DMD: variants seen among roughly 807,000 people sequenced by gnomAD.
DMD encodes the protein mutant dystrophin.
In DMD, 63 loss-of-function variants were observed where a neutral mutation model predicts 330.1. The ratio of observed to expected loss-of-function variants is 0.19; its 90% CI spans 0.16 to 0.24. DMD has a LOEUF of 0.24. DMD is among the 10% of genes least tolerant of loss of function. DMD has a pLI of 1.00. For synonymous variants in DMD, 1,223 were observed against 959.8 expected, an observed-to-expected ratio of 1.27 and a Z score of -5.07; for missense variants, 3,344 against 2,684.1, an observed-to-expected ratio of 1.25 and a Z score of -5.43.
chrX:31,749,601 C>T (rs187738604), intron 51 of DMD, among the ~76,000 whole-genome samples: 5,402 of 108,930 alleles, frequency 0.05, 121 homozygotes, highest in South Asian at 0.085. Flanking sequence ...CCTCAATAAA[C>T]ATACATGTGC....
intron 51 of DMD, among the ~76,000 whole-genome samples, chrX:31,749,423 T>C (rs932893444): frequency 9.7e-6 from 1 of 103,388 alleles, no homozygotes; most frequent in African/African-American, 3.5e-5. Flanking sequence ...AATAGTTTAC[T>C]GAGAATGATG....
At chrX:32,569,486 G>T (rs1231621739) in intron 15 of DMD, among the ~76,000 whole-genome samples, 1 of 111,890 alleles carries the variant, frequency 8.9e-6, no homozygotes, top group African/African-American at 3.3e-5. Flanking sequence ...GAATGCAGAT[G>T]ACTAGGCTCC....
intron 52 of DMD, among the ~76,000 whole-genome samples, chrX:31,682,225 A>G (rs190414043): frequency 2.7e-5 from 3 of 112,453 alleles, no homozygotes; most frequent in East Asian, 5.6e-4. Flanking sequence ...GGCACACATT[A>G]TAGACTACTG....
At chrX:32,156,071 C>T (rs2096829098) in intron 44 of DMD, among the ~76,000 whole-genome samples, 1 of 110,364 alleles carries the variant, frequency 9.1e-6, no homozygotes, top group Non-Finnish European at 1.9e-5. Context: ...ATAAAGTGTG[C>T]TATTCATTCA....
chrX:32,563,063 G>T lies in DMD; in HGVS notation c.1992+2639C>A, dbSNP rs138707121. Among the ~76,000 whole-genome samples, 630 of 111,078 alleles carry T rather than the reference G, an allele frequency of 5.7e-3. 8 individuals carry two copies. The highest frequency in any genetic ancestry group is 0.02 in the African/African-American group (608 of 30,589). On this transcript the variant is annotated intron_variant, in intron 16 of 78. Coordinates refer to ENST00000357033, the MANE Select transcript of DMD (RefSeq NM_004006.3). Reference sequence around the variant, plus strand: ...TAAAATTAAAAGGAGATAGTGGGCCGGGCGCGGTGACTTATGTCTGTAATC... The same window carrying T: ...TAAAATTAAAAGGAGATAGTGGGCCTGGCGCGGTGACTTATGTCTGTAATC...
intron 55 of DMD, among the ~76,000 whole-genome samples, chrX:31,615,026 A>C (rs1208857880): frequency 8.9e-6 from 1 of 111,772 alleles, no homozygotes; most frequent in African/African-American, 3.2e-5. Flanking sequence ...AGAATTTTCC[A>C]GTAGGATGGG....
chrX:32,431,324 G>A (rs66499919), intron 29 of DMD, among the ~76,000 whole-genome samples: 2 of 111,246 alleles, frequency 1.8e-5, no homozygotes, highest in Non-Finnish European at 3.8e-5. Context: ...TGATTAATGA[G>A]TTTGAGCACC....
chrX:31,132,466 G>A, intron 77 of DMD, among the ~76,000 whole-genome samples: 1 of 111,461 alleles, frequency 9.0e-6, no homozygotes, highest in East Asian at 2.8e-4. Flanking sequence ...CCTTGCTGTA[G>A]CTTCTTCTCT....
intron 7 of DMD, among the ~76,000 whole-genome samples, chrX:32,741,261 G>A (rs1278304430): frequency 1.8e-5 from 2 of 111,011 alleles, no homozygotes; most frequent in East Asian, 2.8e-4. Flanking sequence ...TCTTTGAGAG[G>A]GCAACAGCGC....
chrX:33,253,905 G>A (rs1302439164), intron 1 of DMD, among the ~76,000 whole-genome samples: 1 of 110,506 alleles, frequency 9.0e-6, no homozygotes, highest in Non-Finnish European at 1.9e-5. Context: ...TCATTAATTA[G>A]CAATAGCTCT....
At chrX:33,079,108 G>A (rs1222973075) in intron 1 of DMD, among the ~76,000 whole-genome samples, 3 of 111,242 alleles carry the variant, frequency 2.7e-5, no homozygotes, top group Non-Finnish European at 3.8e-5. Flanking sequence ...TTGGCTCACC[G>A]CAACCTCCGC....
intron 48 of DMD, 101 bp downstream of exon 48, chrX:31,875,087 G>T: frequency 1.3e-6 from 1 of 758,980 alleles, no homozygotes; most frequent in Non-Finnish European, 1.9e-6. Context: ...ACTTTAACAA[G>T]TAATATTTTG....
intron 7 of DMD, among the ~76,000 whole-genome samples, chrX:32,807,294 C>A (rs893252761): frequency 1.8e-5 from 2 of 109,592 alleles, no homozygotes; most frequent in African/African-American, 6.7e-5. Context: ...CACAGAAATA[C>A]AAACTACCAT....
intron 52 of DMD, among the ~76,000 whole-genome samples, chrX:31,696,883 C>T (rs780421572): frequency 1.8e-5 from 2 of 112,000 alleles, no homozygotes; most frequent in South Asian, 3.7e-4. Flanking sequence ...CACATACAGA[C>T]GAATCAAGCA....
intron 1 of DMD, among the ~76,000 whole-genome samples, chrX:33,322,187 C>T (rs779021219): frequency 3.6e-5 from 4 of 111,593 alleles, no homozygotes; most frequent in South Asian, 3.7e-4. Context: ...TGCAAGACGC[C>T]TAGATTTCAG....
chrX:33,087,925 T>C (rs1349283684), intron 1 of DMD, among the ~76,000 whole-genome samples: 1 of 111,675 alleles, frequency 9.0e-6, no homozygotes, highest in Non-Finnish European at 1.9e-5. Context: ...AAATTCTAGA[T>C]GTCTTCAAGA....
At chrX:32,978,791 C>A (rs2092625216) in intron 2 of DMD, among the ~76,000 whole-genome samples, 1 of 112,041 alleles carries the variant, frequency 8.9e-6, no homozygotes, top group African/African-American at 3.2e-5. Context: ...TACAAGGTTT[C>A]AAGTAACAAT....
intron 59 of DMD, among the ~76,000 whole-genome samples, chrX:31,476,786 A>C (rs759558677): frequency 2.0e-4 from 22 of 111,260 alleles, no homozygotes; most frequent in Non-Finnish European, 3.2e-4. Flanking sequence ...CAGAGGGGTG[A>C]ATGGGATTTA....
At chrX:32,407,661 G>A (rs2098123830) in intron 30 of DMD, among the ~76,000 whole-genome samples, 1 of 110,617 alleles carries the variant, frequency 9.0e-6, no homozygotes, top group Non-Finnish European at 1.9e-5. Flanking sequence ...CTGCTATAAA[G>A]ACACATGCAC....
Sources: allele counts gnomAD v4.1 joint callset (sites outside exome capture counted in the v4.1 genomes callset), GRCh38; gene constraint gnomAD v4.1.1; transcripts MANE v1.5; gene names NCBI Gene and HGNC (gene_info 2026-07-23, HGNC 2026-07-21).